Variants in DMD observed in about 807,000 individuals in gnomAD.
DMD encodes dystrophin.
In DMD, 63 loss-of-function variants were observed where a neutral mutation model predicts 330.1. The observed-to-expected ratio is 0.19, with a 90% CI of 0.16 to 0.24. The LOEUF (loss-of-function observed/expected upper bound fraction) is 0.24, where lower values mean the gene tolerates loss of function less well. Ranked by LOEUF, DMD falls within the 10% of genes least tolerant of loss-of-function variation. The pLI is 1.00. For missense variants in DMD, 3,344 were observed against 2,684.1 expected, an observed-to-expected ratio of 1.25 and a Z score of -5.43; for synonymous variants, 1,223 against 959.8, an observed-to-expected ratio of 1.27 and a Z score of -5.07.
At chrX:33,149,759 G>A (rs1050344949) in intron 1 of DMD, among the ~76,000 whole-genome samples, 4 of 110,738 alleles carry the variant, frequency 3.6e-5, no homozygotes, top group Non-Finnish European at 7.5e-5. Flanking sequence ...CAGCTGTCTT[G>A]GATTCTGCTG....
chrX:31,749,686 A>G (rs1358806466), intron 51 of DMD, among the ~76,000 whole-genome samples: 2 of 106,613 alleles, frequency 1.9e-5, no homozygotes, highest in Non-Finnish European at 3.9e-5. Context: ...GTCAAATGGT[A>G]TTTCTAGTTC....
intron 1 of DMD, among the ~76,000 whole-genome samples, chrX:33,093,024 C>G (rs1212812837): frequency 1.8e-5 from 2 of 110,860 alleles, no homozygotes; most frequent in Non-Finnish European, 3.8e-5. Flanking sequence ...TAGGTGCCCG[C>G]CACCACGTCC....
chrX:32,596,083 A>T (rs1236777718), intron 12 of DMD, among the ~76,000 whole-genome samples: 1 of 111,585 alleles, frequency 9.0e-6, no homozygotes, highest in Non-Finnish European at 1.9e-5. Context: ...GAAAGTATCT[A>T]GAGAAGACAA....
intron 60 of DMD, among the ~76,000 whole-genome samples, chrX:31,436,503 A>G (rs904628548): frequency 1.2e-4 from 13 of 111,200 alleles, no homozygotes; most frequent in African/African-American, 3.6e-4. Context: ...CTTGAAAACC[A>G]GACCATTCTT....
intron 18 of DMD, among the ~76,000 whole-genome samples, chrX:32,512,452 AC>A (rs2045436157): frequency 8.9e-6 from 1 of 112,397 alleles, no homozygotes; most frequent in Non-Finnish European, 1.9e-5. Flanking sequence ...CAACTGCAGA[AC>A]TGAAAAAAAT....
intron 7 of DMD, among the ~76,000 whole-genome samples, chrX:32,792,082 T>C (rs2075861037): frequency 1.8e-5 from 2 of 111,617 alleles, no homozygotes; most frequent in Non-Finnish European, 3.8e-5. Context: ...AATGAGATGT[T>C]ATATTAAACT....
In DMD at chrX:32,783,034, T is replaced by G. The variant is rs781073925; in HGVS notation, c.649+26459A>C. On this transcript the variant is annotated intron_variant, in intron 7 of 78. Transcript: ENST00000357033. ...ACGTATATATACATATATGGTGTGT[T>G]TATATATATACACACACATATACAT... 2.0e-4 allele frequency among the ~76,000 whole-genome samples: 20 copies of G among 99,740 alleles called. 1 individual carries two copies. Among genetic ancestry groups the G allele is most frequent in the East Asian group, 6.1e-4 (2 of 3,253 alleles). 86.6% of individuals were successfully genotyped at this position (99,740 alleles called of 115,157 possible). A position where few individuals can be genotyped will look rare whatever the true frequency, so the allele number is the denominator to read the frequency against.
At chrX:32,516,305 C>A (rs1425149281) in intron 18 of DMD, among the ~76,000 whole-genome samples, 1 of 111,624 alleles carries the variant, frequency 9.0e-6, no homozygotes, top group African/African-American at 3.3e-5. Flanking sequence ...TAAATCATTT[C>A]ATGTCCCATT....
chrX:31,900,989 G>T (rs180880029), intron 47 of DMD, among the ~76,000 whole-genome samples: 21 of 111,617 alleles, frequency 1.9e-4, no homozygotes, highest in African/African-American at 6.8e-4. Context: ...ATGGGGAAAG[G>T]TTACGCTACC....
intron 62 of DMD, among the ~76,000 whole-genome samples, chrX:31,319,777 T>C (rs1457466606): frequency 8.9e-6 from 1 of 112,456 alleles, no homozygotes; most frequent in Non-Finnish European, 1.9e-5. Context: ...CTAAATTCTT[T>C]TGACAGTCCA....
At chrX:32,519,907 G>T (rs1270959109) in intron 17 of DMD, among the ~76,000 whole-genome samples, 1 of 111,898 alleles carries the variant, frequency 8.9e-6, no homozygotes, top group Non-Finnish European at 1.9e-5. Context: ...TCTTTGGTTA[G>T]GTATCACCAA....
chrX:32,326,653 C>A (rs1299546723), intron 41 of DMD, among the ~76,000 whole-genome samples: 1 of 111,708 alleles, frequency 9.0e-6, no homozygotes, highest in African/African-American at 3.3e-5. Context: ...ACCAGTAATC[C>A]CAGCACTTTG....
At chrX:32,762,885 TGA>T (rs975317174) in intron 7 of DMD, among the ~76,000 whole-genome samples, 1 of 112,052 alleles carries the variant, frequency 8.9e-6, no homozygotes, top group Admixed American at 9.5e-5. Context: ...TGCGAAGAAC[TGA>T]GAGACTGCTT....
At chrX:33,304,659 C>A (rs1176216577) in intron 1 of DMD, among the ~76,000 whole-genome samples, 3 of 103,414 alleles carry the variant, frequency 2.9e-5, no homozygotes, top group Admixed American at 1.1e-4. Flanking sequence ...ATTTTCGCAA[C>A]CTACTCATCT....
Position 31,646,520 on chromosome X carries a change from C to T in DMD, c.8027+11470G>A, listed in dbSNP as rs566478182. Among the ~76,000 whole-genome samples the T allele has an allele frequency of 8.4e-4, 94 of 111,265 alleles. No homozygotes were observed. In the South Asian group the frequency reaches 0.031, roughly 37 times the overall value. On this transcript the variant is annotated intron_variant, in intron 54 of 78. Transcript: ENST00000357033. ...TTTCTAGTGAGCTCATAGGTGATACCAATGCTGCCAGTCAGAGGACCATAC... is the reference window on the plus strand; with the variant it reads ...TTTCTAGTGAGCTCATAGGTGATACTAATGCTGCCAGTCAGAGGACCATAC...
intron 60 of DMD, among the ~76,000 whole-genome samples, chrX:31,354,900 G>A (rs1239972554): frequency 9.0e-6 from 1 of 111,617 alleles, no homozygotes; most frequent in Non-Finnish European, 1.9e-5. Flanking sequence ...GAATACGGTA[G>A]ACTTGAAAGC....
intron 45 of DMD, among the ~76,000 whole-genome samples, chrX:31,943,878 T>TGAGAGAGAGAGAGAGAGA (rs536982335): frequency 2.7e-5 from 2 of 74,497 alleles, no homozygotes; most frequent in African/African-American, 4.8e-5. Flanking sequence ...CCCCAGAGAG[T>TGAGAGAGAGAGAGAGAGA]GAGAGAGAGA....
intron 41 of DMD, among the ~76,000 whole-genome samples, chrX:32,319,098 A>T (rs1235504921): frequency 8.9e-6 from 1 of 111,948 alleles, no homozygotes; most frequent in Non-Finnish European, 1.9e-5. Context: ...TTCAAAGGAC[A>T]ACATTTGCAT....
rs141729128 is a variant in DMD at position 32,138,981 on chromosome X, C to T, written c.6438+77935G>A. On this transcript the variant is annotated intron_variant, in intron 44 of 78. Transcript: ENST00000357033. ...TAAACGACTAACTTAGACCACTGGACGGAACTTTTTTTGGAAACCAAAAGA... is the reference window on the plus strand; with the variant it reads ...TAAACGACTAACTTAGACCACTGGATGGAACTTTTTTTGGAAACCAAAAGA... 4.9e-3 allele frequency among the ~76,000 whole-genome samples: 555 copies of T among 112,323 alleles called. 2 individuals carry two copies. The highest frequency in any genetic ancestry group is 0.017 in the African/African-American group (514 of 30,956).
Sources: gnomAD v4.1 joint callset for allele counts (sites outside exome capture counted in the v4.1 genomes callset) on GRCh38, gnomAD v4.1.1 for gene constraint, MANE v1.5 for transcripts, NCBI Gene and HGNC (gene_info 2026-07-23, HGNC 2026-07-21) for gene names.